Variants in TPTE observed in about 807,000 individuals in gnomAD.
The protein encoded by TPTE is transmembrane phosphatase with tensin homology.
In TPTE, 59 loss-of-function variants were observed where a neutral mutation model predicts 84.1. The observed-to-expected ratio is 0.70, with a 90% CI of 0.57 to 0.87. The LOEUF is 0.87. Ranked by LOEUF, TPTE falls within the 40% of genes least tolerant of loss-of-function variation. TPTE has a pLI of 0.00. For missense variants in TPTE, 382 were observed against 659.6 expected (o/e 0.58, Z 4.61); for synonymous variants, 130 against 223.5 (o/e 0.58, Z 3.73).
intron 1 of TPTE, among the ~76,000 whole-genome samples, chr21:10,523,073 AGCCCTCTGG>A (rs2145563945): frequency 6.6e-6 from 1 of 152,426 alleles, no homozygotes; most frequent in African/African-American, 2.4e-5. Context: ...AGCATAACTG[AGCCCTCTGG>A]TTATTCTCTG....
At chr21:10,589,169 T>C (rs1466892352) in intron 17 of TPTE, among the ~76,000 whole-genome samples, 1 of 152,304 alleles carries the variant, frequency 6.6e-6, no homozygotes, top group African/African-American at 2.4e-5. Context: ...TTCTTTCCTT[T>C]CCTATAATAT....
At chr21:10,525,175 C>A (rs1382238206) in intron 2 of TPTE, among the ~76,000 whole-genome samples, 3 of 152,310 alleles carry the variant, frequency 2.0e-5, no homozygotes, top group Admixed American at 2.0e-4. Context: ...TTAATTATTA[C>A]AGTGAAGGTC....
intron 3 of TPTE, among the ~76,000 whole-genome samples, chr21:10,528,712 T>C (rs1159685186): frequency 6.6e-6 from 1 of 152,310 alleles, no homozygotes; most frequent in African/African-American, 2.4e-5. Context: ...AAATATTTTT[T>C]TATATTTTGA....
intron 11 of TPTE, among the ~76,000 whole-genome samples, chr21:10,568,845 C>G (rs1332262807): frequency 6.6e-6 from 1 of 152,310 alleles, no homozygotes; most frequent in Non-Finnish European, 1.5e-5. Context: ...CAGAGAAGCA[C>G]TAGTCCAGAC....
chr21:10,522,083 G>T (rs1175978736), intron 1 of TPTE, among the ~76,000 whole-genome samples: 1 of 151,806 alleles, frequency 6.6e-6, no homozygotes, highest in African/African-American at 2.4e-5. Flanking sequence ...CAGCCGGGGC[G>T]CCCGCCCGGT....
At chr21:10,524,005 G>A (rs2074035258) in intron 1 of TPTE, among the ~76,000 whole-genome samples, 1 of 152,306 alleles carries the variant, frequency 6.6e-6, no homozygotes. Context: ...AGAATAGTAT[G>A]TTTTTAAGTC....
chr21:10,546,832 G>GAA (rs1274818497), intron 7 of TPTE, among the ~76,000 whole-genome samples: 30 of 152,304 alleles, frequency 2.0e-4, no homozygotes, highest in Non-Finnish European at 5.9e-5. Context: ...GTTTGTTCAT[G>GAA]AGGTTTAAGG....
chr21:10,570,407 T>G, intron 13 of TPTE, 78 bp from the exon 14 acceptor site: 1 of 1,607,782 alleles, frequency 6.2e-7, no homozygotes, highest in Non-Finnish European at 8.5e-7. Flanking sequence ...TGGAATCTGA[T>G]CATGTATAAA....
rs571549461 is a variant in TPTE at position 10,537,430 on chromosome 21, G to C, written c.-43-1251G>C. Among the ~76,000 whole-genome samples, 4 of 152,422 alleles carry C rather than the reference G, an allele frequency of 2.6e-5. No homozygotes were observed. The South Asian group carries it at 8.3e-4, about 32-fold the overall frequency. On this transcript the variant is annotated intron_variant, in intron 3 of 23. Coordinates refer to ENST00000618007, the MANE Select transcript of TPTE (RefSeq NM_199261.4). The stretch of plus-strand genomic sequence containing the variant: ...GTGGTGGCTCACGCCTGTAATCCCA[G>C]CACTTTGGGAGGCCGAGGTGGGTGG...
intron 10 of TPTE, among the ~76,000 whole-genome samples, chr21:10,566,657 G>C (rs1057257918): frequency 6.6e-6 from 1 of 152,304 alleles, no homozygotes; most frequent in African/African-American, 2.4e-5. Flanking sequence ...ATATACACAA[G>C]AGAGTATTAT....
At chr21:10,547,397 A>C (rs2074488665) in intron 7 of TPTE, among the ~76,000 whole-genome samples, 1 of 152,310 alleles carries the variant, frequency 6.6e-6, no homozygotes, top group African/African-American at 2.4e-5. Context: ...GAATTGGCCC[A>C]GAGACAGGAG....
Position 10,572,040 on chromosome 21 carries a change from AAC to A in TPTE, c.795+1493_795+1494del, listed in dbSNP as rs1192109337. 1.7e-4 allele frequency among the ~76,000 whole-genome samples: 26 copies of A among 152,382 alleles called. No individual in the cohort carries two copies. In the East Asian group the frequency reaches 2.5e-3, roughly 15 times the overall value. ...AAAAAATACAATCAAGAGCTTTAAA[AAC>A]AGACATGGGAGAGATATGGCCAAAA... On this transcript the variant is annotated intron_variant, in intron 14 of 23. Coordinates refer to ENST00000618007, the MANE Select transcript of TPTE (RefSeq NM_199261.4).
chr21:10,531,205 G>A (rs1166285458), intron 3 of TPTE, among the ~76,000 whole-genome samples: 1 of 152,308 alleles, frequency 6.6e-6, no homozygotes, highest in Admixed American at 6.5e-5. Context: ...CAAACCGTAT[G>A]TTGAAATTTG....
intron 17 of TPTE, among the ~76,000 whole-genome samples, chr21:10,589,498 C>A (rs11184015): frequency 6.6e-6 from 1 of 150,580 alleles, no homozygotes; most frequent in Admixed American, 6.6e-5. Context: ...ATTGGGGGCA[C>A]AAGATGGGTG....
intron 10 of TPTE, among the ~76,000 whole-genome samples, chr21:10,566,934 G>GT (rs1398886279): frequency 6.7e-6 from 1 of 149,276 alleles, no homozygotes; most frequent in Non-Finnish European, 1.5e-5. Context: ...CCGAGATCAC[G>GT]CCATTGCACT....
intron 3 of TPTE, among the ~76,000 whole-genome samples, chr21:10,530,010 G>A (rs1199299999): frequency 6.6e-6 from 1 of 152,298 alleles, no homozygotes; most frequent in Non-Finnish European, 1.5e-5. Context: ...CTATTACTAT[G>A]AACTTATAAA....
chr21:10,590,012 T>G (rs2075437472), intron 17 of TPTE, among the ~76,000 whole-genome samples: 1 of 152,308 alleles, frequency 6.6e-6, no homozygotes, highest in South Asian at 2.1e-4. Context: ...ATTGCTGAAT[T>G]CACTTTGAAA....
chr21:10,603,895 A>G (rs1978928032), intron 23 of TPTE, among the ~76,000 whole-genome samples: 1 of 152,310 alleles, frequency 6.6e-6, no homozygotes, highest in Non-Finnish European at 1.5e-5. Flanking sequence ...ATCAGATCTT[A>G]AGTGTGGTAG....
At chr21:10,594,255 T>A (rs576365532) in intron 19 of TPTE, among the ~76,000 whole-genome samples, 2 of 152,424 alleles carry the variant, frequency 1.3e-5, no homozygotes, top group South Asian at 4.1e-4. Context: ...CTCATGCCCC[T>A]TTTCCTAGAG....
Sources: allele counts gnomAD v4.1 joint callset (sites outside exome capture counted in the v4.1 genomes callset), GRCh38; gene constraint gnomAD v4.1.1; transcripts MANE v1.5; gene names NCBI Gene and HGNC (gene_info 2026-07-23, HGNC 2026-07-21).